SYT10: variants seen among roughly 807,000 people sequenced by gnomAD.
The protein encoded by SYT10 is synaptotagmin-10.
SYT10 carries 31 observed loss-of-function variants against 51.1 expected under a neutral mutation model. That is an observed-to-expected ratio of 0.61 (90% CI 0.46 to 0.82). The LOEUF (loss-of-function observed/expected upper bound fraction) is 0.82. Ranked by LOEUF, SYT10 falls within the 40% of genes least tolerant of loss-of-function variation. The pLI, the probability that SYT10 is intolerant of heterozygous loss-of-function variation, is 0.00. For synonymous variants in SYT10, 233 were observed against 225.9 expected (o/e 1.03, Z -0.28); for missense variants, 603 against 634.0 (o/e 0.95, Z 0.53).
intron 3 of SYT10, among the ~76,000 whole-genome samples, chr12:33,385,849 A>G (rs1242272442): frequency 1.3e-5 from 2 of 152,216 alleles, no homozygotes; most frequent in African/African-American, 4.8e-5. Flanking sequence ...CAGCAAGGTG[A>G]TCATTTATGA....
chr12:33,418,373 T>C (rs1280772363), intron 2 of SYT10, among the ~76,000 whole-genome samples: 1 of 152,152 alleles, frequency 6.6e-6, no homozygotes, highest in Non-Finnish European at 1.5e-5. Context: ...TTTTCCCATC[T>C]ACTCTCAACT....
In SYT10 at chr12:33,382,367, G is replaced by A. The variant is rs768749274; in HGVS notation, c.1352C>T (p.Ala451Val). ...ENVDQVSLSIAVMDYDRVGHN... is the reference protein window; with the variant it reads ...ENVDQVSLSIVVMDYDRVGHN... ...CACATACCTATCGTAATCCATGACC[G>A]CAATGGAGAGGCTGACCTGGTCCAC... The change falls in exon 5 of 7, where the codon GCG becomes GTG. Residue 451 changes from alanine to valine, a missense_variant. By Grantham distance (64) the Ala-to-Val change is moderately conservative. Coordinates refer to ENST00000228567, the MANE Select transcript of SYT10 (RefSeq NM_198992.4). 14 of 1,606,506 alleles carry A rather than the reference G, an allele frequency of 8.7e-6. No individual in the cohort carries two copies. The highest frequency in any genetic ancestry group is 2.7e-5 in the African/African-American group (2 of 74,382).
chr12:33,381,605 G>A (rs2138383044), intron 5 of SYT10, among the ~76,000 whole-genome samples: 1 of 152,290 alleles, frequency 6.6e-6, no homozygotes, highest in African/African-American at 2.4e-5. Flanking sequence ...AAGACTTACA[G>A]AGGTGCTGAC....
chr12:33,408,759 C>A (rs1866380624), intron 2 of SYT10, among the ~76,000 whole-genome samples: 2 of 152,146 alleles, frequency 1.3e-5, no homozygotes, highest in South Asian at 4.2e-4. Context: ...CAACCAAACT[C>A]ATCATTTTCT....
chr12:33,438,427 T>A (rs1866655549), intron 1 of SYT10, among the ~76,000 whole-genome samples: 1 of 152,306 alleles, frequency 6.6e-6, no homozygotes, highest in Non-Finnish European at 1.5e-5. Context: ...GGGATCCACC[T>A]CGCGTGCGCC....
At chr12:33,426,044 T>G in intron 2 of SYT10, 94 bp downstream of exon 2, 1 of 1,324,026 alleles carries the variant, frequency 7.6e-7, no homozygotes, top group Non-Finnish European at 1.0e-6. Context: ...AACTAAAGTT[T>G]TTCTCTCTTA....
chr12:33,415,884 A>G (rs1316705513), intron 2 of SYT10, among the ~76,000 whole-genome samples: 4 of 152,136 alleles, frequency 2.6e-5, no homozygotes, highest in Non-Finnish European at 5.9e-5. Context: ...TAATCCATTG[A>G]CCTCTATATC....
chr12:33,433,107 A>C (rs147947378), intron 1 of SYT10, among the ~76,000 whole-genome samples: 252 of 152,294 alleles, frequency 1.7e-3, no homozygotes, highest in African/African-American at 5.8e-3. Flanking sequence ...AAAAGAAGCC[A>C]TCTCTTTAGT....
Position 33,375,735 on chromosome 12 carries a change from A to G in SYT10, c.*1095T>C, listed in dbSNP as rs1866056907. The G allele has an allele frequency of 6.6e-6, 1 of 152,502 alleles. No individual in the cohort carries two copies. Among genetic ancestry groups the G allele is most frequent in the African/African-American group, 2.4e-5 (1 of 41,426 alleles). The allele number at this position is 152,502 out of a possible 1,614,324, so 9.4% of individuals were successfully genotyped here. A position where few individuals can be genotyped will look rare whatever the true frequency, so the allele number is the denominator to read the frequency against. ...AAGTTGTATTATTAATATTTATAGTATATTTCTATATGTTGCTGAAAATAA... is the reference window on the plus strand; with the variant it reads ...AAGTTGTATTATTAATATTTATAGTGTATTTCTATATGTTGCTGAAAATAA... On this transcript the variant is annotated 3_prime_UTR_variant, in exon 7 of 7. Coordinates refer to ENST00000228567, the MANE Select transcript of SYT10 (RefSeq NM_198992.4).
chr12:33,426,178 G>C lies in SYT10; in HGVS notation c.469C>G (p.Arg157Gly), dbSNP rs149909823. The C allele has an allele frequency of 1.2e-6, 2 of 1,611,220 alleles. No homozygotes were observed. The highest frequency in any genetic ancestry group is 1.7e-4 in the Middle Eastern group (1 of 6,038). The change falls in exon 2 of 7, where the codon CGT (arginine) becomes GGT (glycine). Residue 157 changes from arginine to glycine, a missense_variant. By Grantham distance (125) the Arg-to-Gly change is moderately radical. Coordinates refer to ENST00000228567, the MANE Select transcript of SYT10 (RefSeq NM_198992.4). ...ALKEHLIKHA[R>G]VQRQITEPTS... is the part of the protein sequence containing the mutation. ...GGCTCAGTAATTTGTCTTTGCACACGTGCATGTTTAATTAAATGTTCTTTT... is the reference window on the plus strand; with the variant it reads ...GGCTCAGTAATTTGTCTTTGCACACCTGCATGTTTAATTAAATGTTCTTTT...
intron 3 of SYT10, chr12:33,405,704 G>T (rs1417600253): frequency 6.6e-6 from 1 of 151,508 alleles, no homozygotes; most frequent in Non-Finnish European, 1.5e-5. Flanking sequence ...TGTAAGTTGC[G>T]ATACAACTCA....
chr12:33,392,022 C>G (rs1866212234), intron 3 of SYT10, among the ~76,000 whole-genome samples: 1 of 152,118 alleles, frequency 6.6e-6, no homozygotes, highest in South Asian at 2.1e-4. Context: ...GTAAGATGAC[C>G]TTGAGAATAC....
intron 3 of SYT10, among the ~76,000 whole-genome samples, chr12:33,395,931 G>T (rs1243396208): frequency 6.6e-6 from 1 of 152,096 alleles, no homozygotes; most frequent in Non-Finnish European, 1.5e-5. Context: ...CATTCAGGGC[G>T]AACAGCTGAA....
At chr12:33,402,665 A>T (rs1866316517) in intron 3 of SYT10, among the ~76,000 whole-genome samples, 1 of 152,198 alleles carries the variant, frequency 6.6e-6, no homozygotes, top group South Asian at 2.1e-4. Flanking sequence ...ATCAAATTAA[A>T]GTTATTTGAA....
chr12:33,421,176 G>A (rs1383552240), intron 2 of SYT10, among the ~76,000 whole-genome samples: 2 of 151,814 alleles, frequency 1.3e-5, no homozygotes, highest in African/African-American at 4.8e-5. Context: ...GCGTTCTTTT[G>A]GATACTATGC....
chr12:33,376,144 A>T lies in SYT10; in HGVS notation c.*686T>A, dbSNP rs1866059809. 1.3e-5 allele frequency: 2 copies of T among 152,218 alleles called. No homozygotes were observed. The highest frequency in any genetic ancestry group is 6.5e-5 in the Admixed American group (1 of 15,278). The allele number at this position is 152,218 out of a possible 1,614,324, so 9.4% of individuals were successfully genotyped here. On this transcript the variant is annotated 3_prime_UTR_variant, in exon 7 of 7. Coordinates refer to ENST00000228567, the MANE Select transcript of SYT10 (RefSeq NM_198992.4). ...AAAACAGTGTAAAATGGTAGCCACAATGGCTCAGCCTCCGTTTTTCAGCCA... is the reference window on the plus strand; with the variant it reads ...AAAACAGTGTAAAATGGTAGCCACATTGGCTCAGCCTCCGTTTTTCAGCCA...
chr12:33,410,096 T>C (rs1262825746), intron 2 of SYT10, among the ~76,000 whole-genome samples: 1 of 152,216 alleles, frequency 6.6e-6, no homozygotes, highest in Non-Finnish European at 1.5e-5. Flanking sequence ...ACATAAGATT[T>C]TGGCAAGTCT....
intron 6 of SYT10, among the ~76,000 whole-genome samples, chr12:33,379,619 G>A (rs1321677844): frequency 8.9e-6 from 1 of 111,918 alleles, no homozygotes; most frequent in African/African-American, 3.6e-5. Context: ...AGAATATGAA[G>A]CCCAGAAAAT....
intron 5 of SYT10, among the ~76,000 whole-genome samples, chr12:33,380,389 C>T (rs1485150551): frequency 1.3e-5 from 2 of 152,062 alleles, no homozygotes; most frequent in Admixed American, 6.6e-5. Flanking sequence ...TACAGCAGTA[C>T]CAATTTTCTT....
Sources: gnomAD v4.1 joint callset for allele counts (sites outside exome capture counted in the v4.1 genomes callset) on GRCh38, gnomAD v4.1.1 for gene constraint, MANE v1.5 for transcripts, NCBI Gene and HGNC (gene_info 2026-07-23, HGNC 2026-07-21) for gene names.